Variants in ABCB10 observed in about 807,000 individuals in gnomAD.
The protein encoded by ABCB10 is ATP binding cassette subfamily B member 10, also known as ATP-binding cassette sub-family B member 10, mitochondrial.
ABCB10 carries 54 observed loss-of-function variants against 65.4 expected under a neutral mutation model. That is an observed-to-expected ratio of 0.83 (90% CI 0.66 to 1.04). The LOEUF (loss-of-function observed/expected upper bound fraction) is 1.04. ABCB10 is among the 50% of genes least tolerant of loss of function. ABCB10 has a pLI of 0.00. For missense variants in ABCB10, 846 were observed against 976.6 expected (o/e 0.87, Z 1.78); for synonymous variants, 418 against 406.5 (o/e 1.03, Z -0.34).
intron 2 of ABCB10, among the ~76,000 whole-genome samples, chr1:229,548,813 C>T (rs1663029815): frequency 6.6e-6 from 1 of 152,062 alleles, no homozygotes; most frequent in South Asian, 2.1e-4. Context: ...CAGGCACACA[C>T]CACCACGCCC....
chr1:229,537,380 G>T (rs1448484029), intron 6 of ABCB10, among the ~76,000 whole-genome samples: 1 of 152,160 alleles, frequency 6.6e-6, no homozygotes, highest in Non-Finnish European at 1.5e-5. Context: ...GTCTTTCTAG[G>T]CAGAAACCAA....
intron 11 of ABCB10, among the ~76,000 whole-genome samples, chr1:229,519,894 G>C (rs773587969): frequency 2.6e-5 from 4 of 152,166 alleles, no homozygotes; most frequent in Non-Finnish European, 5.9e-5. Flanking sequence ...GGCAGGCTGA[G>C]GGGGGAGGAC....
chr1:229,544,114 T>C (rs1662912983), intron 3 of ABCB10, among the ~76,000 whole-genome samples: 2 of 152,052 alleles, frequency 1.3e-5, no homozygotes, highest in Non-Finnish European at 2.9e-5. Flanking sequence ...TAATGAAGTG[T>C]TTTGAATAGC....
At chr1:229,549,126 G>C (rs1013078160) in intron 2 of ABCB10, 108 bp downstream of exon 2, 3 of 1,172,470 alleles carry the variant, frequency 2.6e-6, no homozygotes, top group African/African-American at 3.0e-5. Context: ...GCCAGGAAGA[G>C]AGGAAGAGAA....
At chr1:229,546,066 G>A (rs1662956981) in intron 3 of ABCB10, among the ~76,000 whole-genome samples, 1 of 151,872 alleles carries the variant, frequency 6.6e-6, no homozygotes, top group African/African-American at 2.4e-5. Flanking sequence ...CAGCTACTCG[G>A]GAGGCTGAGG....
chr1:229,528,027 G>T (rs1662485299), intron 8 of ABCB10, among the ~76,000 whole-genome samples: 2 of 152,222 alleles, frequency 1.3e-5, no homozygotes, highest in African/African-American at 4.8e-5. Flanking sequence ...TTTGCTAACA[G>T]AATTCTTCAC....
rs1662865383 is a variant in ABCB10, at chr1:229,542,176, C to T, written c.1056+61G>A. 3 of 1,583,368 alleles carry T rather than the reference C, an allele frequency of 1.9e-6. No individual in the cohort carries two copies. In the Admixed American group the frequency reaches 5.5e-5, roughly 29 times the overall value. On this transcript the variant is annotated intron_variant, in intron 4 of 12. Transcript: ENST00000344517. Reference sequence around the variant, plus strand: ...AAGTACATCCCTTAGGATCTGCCCTCTAGGATCCTGGCTATGACCCCATTC... The same window carrying T: ...AAGTACATCCCTTAGGATCTGCCCTTTAGGATCCTGGCTATGACCCCATTC...
intron 2 of ABCB10, among the ~76,000 whole-genome samples, chr1:229,548,692 T>G (rs1663027006): frequency 6.7e-6 from 1 of 149,964 alleles, no homozygotes; most frequent in African/African-American, 2.5e-5. Flanking sequence ...AGATGGAGTC[T>G]CGCTCTGTCC....
chr1:229,551,824 G>A (rs1663124326), intron 1 of ABCB10, among the ~76,000 whole-genome samples: 1 of 152,206 alleles, frequency 6.6e-6, no homozygotes, highest in African/African-American at 2.4e-5. Context: ...GCAAATTCAG[G>A]ATTCAGCAGA....
At chr1:229,553,508 G>A (rs566287729) in intron 1 of ABCB10, among the ~76,000 whole-genome samples, 4 of 152,130 alleles carry the variant, frequency 2.6e-5, no homozygotes, top group East Asian at 1.9e-4. Flanking sequence ...AACTTAGGGC[G>A]AAGTAGGCTG....
intron 7 of ABCB10, among the ~76,000 whole-genome samples, chr1:229,531,027 G>A (rs780889119): frequency 6.6e-5 from 10 of 152,084 alleles, no homozygotes; most frequent in Non-Finnish European, 1.3e-4. Flanking sequence ...TTATGGACCT[G>A]GGGCTACCTG....
rs767747999 is a variant in ABCB10, at chr1:229,547,617, G to A, written c.803C>T (p.Thr268Ile). Residue 268 changes from threonine (T) to isoleucine (I), a missense_variant, in exon 3 of 13, where the codon ACA becomes ATA. Around this residue, in one of 2 missense-constraint regions of ABCB10, gnomAD observed 632 missense variants for 803.2 expected, o/e 0.79. Transcript: ENST00000344517. Reference sequence around the variant, plus strand: ...TGAGAGGCGGTTAATCAATTCTCCTGTGCGAGTCTTGTCAAAGAAAGCAAC... The same window carrying A: ...TGAGAGGCGGTTAATCAATTCTCCTATGCGAGTCTTGTCAAAGAAAGCAAC... ...QEVAFFDKTR[T>I]GELINRLSSD... 1.2e-6 allele frequency: 2 copies of A among 1,614,220 alleles called. No individual in the cohort carries two copies. The highest frequency in any genetic ancestry group is 8.5e-7 in the Non-Finnish European group (1 of 1,180,034).
intron 3 of ABCB10, among the ~76,000 whole-genome samples, chr1:229,546,636 C>T (rs961643874): frequency 3.9e-5 from 6 of 151,982 alleles, no homozygotes; most frequent in East Asian, 3.9e-4. Context: ...TTCAGGAGGC[C>T]GAGGCAGGAG....
At chr1:229,527,139 T>C in intron 9 of ABCB10, 90 bp downstream of exon 9, 1 of 1,245,710 alleles carries the variant, frequency 8.0e-7, no homozygotes, top group South Asian at 1.3e-5. Context: ...TCCTTCTCTC[T>C]TGAGAAGTTC....
intron 1 of ABCB10, among the ~76,000 whole-genome samples, chr1:229,555,157 G>A (rs1175618006): frequency 2.6e-5 from 4 of 152,174 alleles, no homozygotes; most frequent in African/African-American, 7.2e-5. Flanking sequence ...AAACCTCCAG[G>A]AGGCAGCTTT....
intron 1 of ABCB10, chr1:229,549,943 T>C (rs1181283647): frequency 6.5e-6 from 1 of 154,716 alleles, no homozygotes; most frequent in Non-Finnish European, 1.4e-5. Flanking sequence ...CAATCTTGTC[T>C]GACCTCAGAA....
rs1323725462 is a variant in ABCB10, at chr1:229,539,551, T to C, written c.1244A>G (p.Tyr415Cys). ...SGNLIVLSVL[Y>C]KGGLLMGSAH... Reference sequence around the variant, plus strand: ...ACTGCCCATCAGCAGCCCTCCTTTGTACAGGACAGAAAGCACGATCAGGTT... The same window carrying C: ...ACTGCCCATCAGCAGCCCTCCTTTGCACAGGACAGAAAGCACGATCAGGTT... The change falls in exon 6 of 13, where the codon TAC becomes TGC. Residue 415 changes from tyrosine (Y) to cysteine (C), a missense_variant. Physicochemically the swap from Tyr to Cys is radical, Grantham distance 194 (BLOSUM62 -2). Coordinates refer to ENST00000344517, the MANE Select transcript of ABCB10 (RefSeq NM_012089.3). 4.3e-6 allele frequency: 7 copies of C among 1,614,016 alleles called. No individual in the cohort carries two copies. In the East Asian group the frequency reaches 1.3e-4, roughly 31 times the overall value.
intron 3 of ABCB10, among the ~76,000 whole-genome samples, chr1:229,545,972 C>A (rs1662954573): frequency 6.6e-6 from 1 of 152,090 alleles, no homozygotes; most frequent in Non-Finnish European, 1.5e-5. Context: ...GAGTTCAAGA[C>A]CAGCCTGGCC....
Position 229,531,801 on chromosome 1 carries a change from G to A in ABCB10, c.1340-70C>T, listed in dbSNP as rs565898798. The A allele has an allele frequency of 7.5e-5, 92 of 1,219,656 alleles. 1 individual carries two copies. The African/African-American group carries it at 1.3e-3, about 17-fold the overall frequency. The allele number at this position is 1,219,656 out of a possible 1,614,324, so 75.6% of individuals were successfully genotyped here. The stretch of plus-strand genomic sequence containing the variant: ...CTGGCACTGGCCACCACTCCTCTGA[G>A]AGGAGTGACAATGATTGCTTTTAAT... On this transcript the variant is annotated intron_variant, in intron 6 of 12. Transcript: ENST00000344517.
Sources: gnomAD v4.1 joint callset for allele counts (sites outside exome capture counted in the v4.1 genomes callset) on GRCh38, gnomAD v4.1.1 for gene constraint, gnomAD v4.1.1 regional missense constraint, MANE v1.5 for transcripts, NCBI Gene and HGNC (gene_info 2026-07-23, HGNC 2026-07-21) for gene names.